Variants in OSBPL3 observed in about 807,000 individuals in gnomAD.
OSBPL3 encodes the protein oxysterol binding protein like 3.
A neutral mutation model predicts 120.1 loss-of-function variants in OSBPL3; 65 were observed. The ratio of observed to expected loss-of-function variants is 0.54; its 90% confidence interval spans 0.44 to 0.67. The LOEUF is 0.67. Ranked by LOEUF, OSBPL3 falls within the 30% of genes least tolerant of loss-of-function variation. The pLI, the probability that OSBPL3 is intolerant of heterozygous loss-of-function variation, is 0.00. For missense variants in OSBPL3, 1,004 were observed against 1,082.1 expected (o/e 0.93, Z 1.01); for synonymous variants, 416 against 402.6 (o/e 1.03, Z -0.40).
At chr7:24,823,501 T>G (rs1187766311) in intron 16 of OSBPL3, among the ~76,000 whole-genome samples, 1 of 151,960 alleles carries the variant, frequency 6.6e-6, no homozygotes, top group East Asian at 1.9e-4. Context: ...CATTAATGAG[T>G]GATAAAGGTA....
rs568083501 is a variant in OSBPL3, at chr7:24,803,554, C to T, written c.2567+761G>A. Among the ~76,000 whole-genome samples, 13 of 152,170 alleles carry T rather than the reference C, an allele frequency of 8.5e-5. No individual in the cohort carries two copies. Among genetic ancestry groups the T allele is most frequent in the Admixed American group, 5.9e-4 (9 of 15,276 alleles). On this transcript the variant is annotated intron_variant, in intron 22 of 22. Transcript: ENST00000313367. This position sits in a 1 kb window ranked among gnomAD's most constrained non-coding sequence, Gnocchi z 4.2. ...TTGGGAGGCTGAGGCAGGTGGATCA[C>T]GAGGTCAGGAGATTGAGACCATCCT...
In OSBPL3 at chr7:24,830,520, G is replaced by A. The variant is rs1485009360; in HGVS notation, c.1884+248C>T. Among the ~76,000 whole-genome samples the A allele has an allele frequency of 1.3e-5, 2 of 152,134 alleles. No individual in the cohort carries two copies. Among genetic ancestry groups the A allele is most frequent in the East Asian group, 1.9e-4 (1 of 5,186 alleles). On this transcript the variant is annotated intron_variant, in intron 16 of 22. Transcript: ENST00000313367. This position sits in a 1 kb window ranked among gnomAD's most constrained non-coding sequence, Gnocchi z 4.4. Reference sequence around the variant, plus strand: ...AATTCCTTGTGCTAATGATTTTAAAGAGAAAGGACACCGGCAATGCATGTA... The same window carrying A: ...AATTCCTTGTGCTAATGATTTTAAAAAGAAAGGACACCGGCAATGCATGTA...
chr7:24,894,299 T>C lies in OSBPL3; in HGVS notation c.-149-1678A>G, dbSNP rs957912476. 3.3e-5 allele frequency among the ~76,000 whole-genome samples: 5 copies of C among 152,168 alleles called. No individual in the cohort carries two copies. The highest frequency in any genetic ancestry group is 9.7e-5 in the African/African-American group (4 of 41,432). On this transcript the variant is annotated intron_variant, in intron 1 of 22. Transcript: ENST00000313367. The surrounding 1 kb of genome is among the most constrained non-coding windows in gnomAD (Gnocchi z 4.1). ...TCTTAGGTAACTCCCCAAATCTCTT[T>C]ATTCATTTAGTATTGGATCCAATAA...
Position 24,852,397 on chromosome 7 carries a change from T to C in OSBPL3, c.1158+107A>G. ...AAAGGTTAGAATATAATTTGGATAA[T>C]TTGGTTTTCTCCTGAATTTTCAACA... is the stretch of plus-strand genomic sequence containing the variant. On this transcript the variant is annotated intron_variant, in intron 11 of 22. Transcript: ENST00000313367. The surrounding 1 kb of genome is among the most constrained non-coding windows in gnomAD (Gnocchi z 4.1). The C allele has an allele frequency of 1.0e-6, 1 of 981,698 alleles. No homozygotes were observed. The highest frequency in any genetic ancestry group is 1.4e-6 in the Non-Finnish European group (1 of 706,910). The allele number at this position is 981,698 out of a possible 1,614,324, so 60.8% of individuals were successfully genotyped here.
chr7:24,966,962 C>A lies in OSBPL3; in HGVS notation c.-150+12924G>T, dbSNP rs919009329. The stretch of plus-strand genomic sequence containing the variant: ...CTTCTGGAAAATATATGAAAAACAT[C>A]CCCTAAGTGACTAATACATAAGATA... On this transcript the variant is annotated intron_variant, in intron 1 of 22. Coordinates refer to ENST00000313367, the MANE Select transcript of OSBPL3 (RefSeq NM_015550.4). The surrounding 1 kb of genome is among the most constrained non-coding windows in gnomAD (Gnocchi z 4.8). Among the ~76,000 whole-genome samples, 3 of 152,178 alleles carry A rather than the reference C, an allele frequency of 2.0e-5. No homozygotes were observed. The highest frequency in any genetic ancestry group is 4.8e-5 in the African/African-American group (2 of 41,428).
At chr7:24,949,471 T>C (rs1814128336) in intron 1 of OSBPL3, among the ~76,000 whole-genome samples, 1 of 152,164 alleles carries the variant, frequency 6.6e-6, no homozygotes, top group South Asian at 2.1e-4. Context: ...TTCAATGAAA[T>C]AGGTTAGCTG....
rs1285373321 is a variant in OSBPL3 at position 24,922,245 on chromosome 7, G to T, written c.-149-29624C>A. Among the ~76,000 whole-genome samples the T allele has an allele frequency of 2.6e-5, 4 of 152,206 alleles. No individual in the cohort carries two copies. The highest frequency in any genetic ancestry group is 4.8e-5 in the African/African-American group (2 of 41,454). On this transcript the variant is annotated intron_variant, in intron 1 of 22. Coordinates refer to ENST00000313367, the MANE Select transcript of OSBPL3 (RefSeq NM_015550.4). This position sits in a 1 kb window ranked among gnomAD's most constrained non-coding sequence, Gnocchi z 4.3. The stretch of plus-strand genomic sequence containing the variant: ...CAAACTACAAGCACTGTACTATCTG[G>T]ACTGTGTTACAAAAAGTCCTAGAAG...
Position 24,930,123 on chromosome 7 carries a change from T to A in OSBPL3, c.-149-37502A>T, listed in dbSNP as rs1179816888. Among the ~76,000 whole-genome samples the A allele has an allele frequency of 6.6e-6, 1 of 152,204 alleles. No individual in the cohort carries two copies. Among genetic ancestry groups the A allele is most frequent in the South Asian group, 2.1e-4 (1 of 4,826 alleles). The stretch of plus-strand genomic sequence containing the variant: ...GAAGAAAGGGTAACTAATGATTTTT[T>A]AAGAGGTTAACCTGGAAAGGTTAAT... On this transcript the variant is annotated intron_variant, in intron 1 of 22. Coordinates refer to ENST00000313367, the MANE Select transcript of OSBPL3 (RefSeq NM_015550.4). The surrounding 1 kb of genome is among the most constrained non-coding windows in gnomAD (Gnocchi z 4.4).
intron 1 of OSBPL3, among the ~76,000 whole-genome samples, chr7:24,956,491 A>G (rs1280360558): frequency 6.6e-6 from 1 of 152,264 alleles, no homozygotes; most frequent in Non-Finnish European, 1.5e-5. Context: ...CTGAAGAGTA[A>G]AACACTGGAA....
In OSBPL3 at chr7:24,871,657, TCA is replaced by T; in HGVS notation, c.267+83_267+84del. ...TTTCCAGTTCCGAGAAAAGCTATCC[TCA>T]ACTATACACACTCTCATCTCTGAGC... On this transcript the variant is annotated intron_variant, in intron 4 of 22. Transcript: ENST00000313367. The surrounding 1 kb of genome is among the most constrained non-coding windows in gnomAD (Gnocchi z 4.8). The T allele has an allele frequency of 1.0e-6, 1 of 990,216 alleles. No homozygotes were observed. The highest frequency in any genetic ancestry group is 1.4e-5 in the South Asian group (1 of 69,940). 61.3% of individuals were successfully genotyped at this position (990,216 alleles called of 1,614,324 possible). A position where few individuals can be genotyped will look rare whatever the true frequency, so the allele number is the denominator to read the frequency against.
At position 24,809,968 on chromosome 7, in the gene OSBPL3, T is replaced by C. The variant is rs373001361; in HGVS notation, c.2173-17A>G. The C allele has an allele frequency of 5.1e-5, 83 of 1,613,766 alleles. No individual in the cohort carries two copies. The highest frequency in any genetic ancestry group is 6.4e-5 in the Non-Finnish European group (75 of 1,179,820). ...GTATTTTGCCTAGGATTCAAATGAG[T>C]TGTTGGCTTAGTCCTTTAGCATCAG... is the stretch of plus-strand genomic sequence containing the variant. On this transcript the variant is annotated splice_polypyrimidine_tract_variant and intron_variant, in intron 19 of 22. Coordinates refer to ENST00000313367, the MANE Select transcript of OSBPL3 (RefSeq NM_015550.4).
At position 24,892,407 on chromosome 7, in the gene OSBPL3, AC is replaced by A. The variant is rs757148208; in HGVS notation, c.65del (p.Ser22IlefsTer20). The A allele has an allele frequency of 3.1e-6, 5 of 1,613,626 alleles. No homozygotes were observed. Among genetic ancestry groups the A allele is most frequent in the Non-Finnish European group, 4.2e-6 (5 of 1,179,620 alleles). On this transcript the variant is annotated frameshift_variant, in exon 2 of 23. Transcript: ENST00000313367. LOFTEE classifies it high-confidence loss of function. The part of the protein sequence containing the change: ...QKLVSPSRST[S>X]SCSSKQGSRQ... ...GACTTCCTTGCTTGGAAGAGCAGCT[AC>A]TTGTGCTCCTTGAAGGTGATACCAA...
chr7:24,941,224 C>T (rs1362649300), intron 1 of OSBPL3, among the ~76,000 whole-genome samples: 2 of 152,160 alleles, frequency 1.3e-5, no homozygotes, highest in African/African-American at 4.8e-5. Context: ...CTGGGAAAAT[C>T]CTAAAAATTC....
Position 24,815,452 on chromosome 7 carries a change from T to C in OSBPL3, c.2028-249A>G, listed in dbSNP as rs571863293. Among the ~76,000 whole-genome samples the C allele has an allele frequency of 6.6e-6, 1 of 152,300 alleles. No individual in the cohort carries two copies. Among genetic ancestry groups the C allele is most frequent in the Non-Finnish European group, 1.5e-5 (1 of 68,026 alleles). On this transcript the variant is annotated intron_variant, in intron 18 of 22. Transcript: ENST00000313367. The surrounding 1 kb of genome is among the most constrained non-coding windows in gnomAD (Gnocchi z 5.1). Reference sequence around the variant, plus strand: ...CTCTGGAAGCTACCAGAGGCTTCACTAGAAGCTGGTGGTCTCTTGGAACAG... The same window carrying C: ...CTCTGGAAGCTACCAGAGGCTTCACCAGAAGCTGGTGGTCTCTTGGAACAG...
intron 13 of OSBPL3, 152 bp downstream of exon 13, chr7:24,842,127 G>T: frequency 2.8e-6 from 2 of 712,200 alleles, no homozygotes; most frequent in Non-Finnish European, 4.7e-6. Flanking sequence ...TATACTTTTT[G>T]GGTATGAGTT....
At chr7:24,858,504 C>T (rs17150327) in intron 10 of OSBPL3, among the ~76,000 whole-genome samples, 14,979 of 152,216 alleles carry the variant, frequency 0.098, 993 homozygotes, top group East Asian at 0.25. Context: ...ACTCCCTGAA[C>T]CAGGAAAAGG....
At chr7:24,890,058 A>C (rs375422675) in intron 2 of OSBPL3, among the ~76,000 whole-genome samples, 1 of 152,222 alleles carries the variant, frequency 6.6e-6, no homozygotes, top group African/African-American at 2.4e-5. Flanking sequence ...CATGGAAAAC[A>C]ATCTCTAGAT....
intron 10 of OSBPL3, among the ~76,000 whole-genome samples, chr7:24,853,938 G>C (rs1401760187): frequency 6.6e-6 from 1 of 152,162 alleles, no homozygotes; most frequent in Non-Finnish European, 1.5e-5. Context: ...GCAGGACCCA[G>C]AATCCCCCAG....
intron 2 of OSBPL3, among the ~76,000 whole-genome samples, chr7:24,885,441 A>T (rs1364666365): frequency 6.6e-6 from 1 of 151,982 alleles, no homozygotes; most frequent in Non-Finnish European, 1.5e-5. Flanking sequence ...CTGCATAAAT[A>T]AGCTCTCATC....
Sources: allele counts gnomAD v4.1 joint callset (sites outside exome capture counted in the v4.1 genomes callset), GRCh38; gene constraint gnomAD v4.1.1; non-coding constraint Gnocchi (gnomAD v3.1); transcripts MANE v1.5; gene names NCBI Gene and HGNC (gene_info 2026-07-23, HGNC 2026-07-21).